The following GRIK2 variants were observed in gnomAD, a reference collection of about 807,000 sequenced individuals.
The protein encoded by GRIK2 is glutamate ionotropic receptor kainate type subunit 2.
GRIK2 carries 32 observed loss-of-function variants against 100.3 expected under a neutral mutation model. The ratio of observed to expected loss-of-function variants is 0.32; its 90% CI spans 0.24 to 0.43. The LOEUF (loss-of-function observed/expected upper bound fraction) is 0.43. GRIK2 is among the 20% of genes least tolerant of loss of function. GRIK2 has a pLI of 1.00. For synonymous variants in GRIK2, 417 were observed against 389.4 expected, an observed-to-expected ratio of 1.07 and a Z score of -0.83; for missense variants, 843 against 1,114.9, an observed-to-expected ratio of 0.76 and a Z score of 3.47.
intron 14 of GRIK2, among the ~76,000 whole-genome samples, chr6:101,973,734 TC>T (rs1793200013): frequency 6.6e-6 from 1 of 151,936 alleles, no homozygotes; most frequent in African/African-American, 2.4e-5. Context: ...CATCCAATCA[TC>T]AGTGTTACTC....
intron 14 of GRIK2, among the ~76,000 whole-genome samples, chr6:102,000,989 C>T (rs899813833): frequency 6.6e-6 from 1 of 151,328 alleles, no homozygotes; most frequent in African/African-American, 2.4e-5. Context: ...CATTCTTTAC[C>T]TCATATTATT....
intron 14 of GRIK2, among the ~76,000 whole-genome samples, chr6:101,979,718 A>G (rs1298771848): frequency 6.6e-6 from 1 of 151,914 alleles, no homozygotes; most frequent in Non-Finnish European, 1.5e-5. Flanking sequence ...CATCTTGGTG[A>G]TAGAGGGACA....
intron 7 of GRIK2, among the ~76,000 whole-genome samples, chr6:101,781,244 C>T (rs1369800927): frequency 6.6e-6 from 1 of 152,090 alleles, no homozygotes; most frequent in Non-Finnish European, 1.5e-5. Flanking sequence ...AATAATTGGT[C>T]ACAATCAGTG....
At chr6:101,400,855 T>C (rs973699536) in intron 2 of GRIK2, among the ~76,000 whole-genome samples, 1 of 152,186 alleles carries the variant, frequency 6.6e-6, no homozygotes, top group Non-Finnish European at 1.5e-5. Context: ...CCCACTGTAG[T>C]AGTTTTCATG....
At chr6:101,652,856 G>C (rs1441478665) in intron 4 of GRIK2, among the ~76,000 whole-genome samples, 1 of 152,090 alleles carries the variant, frequency 6.6e-6, no homozygotes, top group Admixed American at 6.6e-5. Flanking sequence ...TTCTTTGTCA[G>C]CTGGTGCTTA....
chr6:101,962,871 T>C (rs1237882010), intron 14 of GRIK2, among the ~76,000 whole-genome samples: 2 of 152,080 alleles, frequency 1.3e-5, no homozygotes, highest in Non-Finnish European at 2.9e-5. Context: ...GTATAGCCTC[T>C]CTGTCTTGTG....
chr6:101,480,912 T>G (rs2852534), intron 2 of GRIK2, among the ~76,000 whole-genome samples: 63,609 of 151,950 alleles, frequency 0.42, 13,931 homozygotes, highest in Non-Finnish European at 0.48. Context: ...AAAAACCTGA[T>G]CATAGAGTAA....
intron 14 of GRIK2, among the ~76,000 whole-genome samples, chr6:101,972,826 T>C (rs113871502): frequency 0.097 from 14,739 of 152,020 alleles, 1,942 homozygotes; most frequent in African/African-American, 0.3. Flanking sequence ...GGCTTGTTTT[T>C]GTCAGCTTTG....
chr6:101,563,013 A>C (rs141899157), intron 2 of GRIK2, among the ~76,000 whole-genome samples: 10 of 152,286 alleles, frequency 6.6e-5, no homozygotes, highest in Non-Finnish European at 1.5e-4. Flanking sequence ...TAAGACATCA[A>C]ATTCACTAAA....
chr6:101,947,169 A>G (rs1428980843), intron 14 of GRIK2, among the ~76,000 whole-genome samples: 1 of 152,186 alleles, frequency 6.6e-6, no homozygotes, highest in Non-Finnish European at 1.5e-5. Context: ...GAAATGAATG[A>G]AATTGTCTTG....
intron 12 of GRIK2, among the ~76,000 whole-genome samples, chr6:101,904,120 A>C (rs770138312): frequency 3.9e-4 from 59 of 151,262 alleles, no homozygotes; most frequent in Non-Finnish European, 7.8e-4. Flanking sequence ...CTATTAGTTA[A>C]CTTTCTGAAT....
At chr6:101,894,206 C>T (rs1443628758) in intron 12 of GRIK2, among the ~76,000 whole-genome samples, 5 of 151,220 alleles carry the variant, frequency 3.3e-5, no homozygotes, top group African/African-American at 1.2e-4. Flanking sequence ...TAAAAATTTC[C>T]CCTCACATGT....
At chr6:101,953,586 G>A (rs1248235624) in intron 14 of GRIK2, among the ~76,000 whole-genome samples, 1 of 152,034 alleles carries the variant, frequency 6.6e-6, no homozygotes, top group Non-Finnish European at 1.5e-5. Flanking sequence ...CAGATCCTTT[G>A]CTCATTTTTA....
intron 14 of GRIK2, among the ~76,000 whole-genome samples, chr6:101,980,091 C>T (rs1457308688): frequency 1.1e-4 from 17 of 151,898 alleles, no homozygotes; most frequent in Admixed American, 1.1e-3. Flanking sequence ...GGTGAGGAAA[C>T]ATGTCAGACA....
chr6:101,823,582 A>G (rs752875514), intron 10 of GRIK2, among the ~76,000 whole-genome samples: 2 of 152,210 alleles, frequency 1.3e-5, no homozygotes, highest in Non-Finnish European at 1.5e-5. Flanking sequence ...TATCTTTCAA[A>G]TTATATTTTC....
intron 14 of GRIK2, among the ~76,000 whole-genome samples, chr6:102,022,255 A>C (rs550758867): frequency 1.3e-5 from 2 of 151,730 alleles, no homozygotes; most frequent in South Asian, 4.2e-4. Context: ...ATCATGAAAA[A>C]AAAACTCCAT....
At chr6:101,577,963 CA>C (rs1256368751) in intron 2 of GRIK2, among the ~76,000 whole-genome samples, 1 of 152,076 alleles carries the variant, frequency 6.6e-6, no homozygotes, top group African/African-American at 2.4e-5. Flanking sequence ...AAGTCTAGAT[CA>C]CAAACTTGGC....
intron 2 of GRIK2, among the ~76,000 whole-genome samples, chr6:101,592,624 T>TATATATATATATATATATATATATATATA (rs71028078): frequency 3.7e-5 from 5 of 133,540 alleles, no homozygotes; most frequent in Admixed American, 7.6e-5. Flanking sequence ...TATATATATA[T>TATATATATATATATATATATATATATATA]TGCTTTTTCA....
intron 2 of GRIK2, among the ~76,000 whole-genome samples, chr6:101,524,953 G>A (rs1254942680): frequency 3.3e-5 from 5 of 151,892 alleles, no homozygotes; most frequent in African/African-American, 1.2e-4. Flanking sequence ...AGCTGGTCTC[G>A]AACTCCTGAC....
Sources: allele counts gnomAD v4.1 joint callset (sites outside exome capture counted in the v4.1 genomes callset), GRCh38; gene constraint gnomAD v4.1.1; transcripts MANE v1.5; gene names NCBI Gene and HGNC (gene_info 2026-07-23, HGNC 2026-07-21).